Variants in SYNGR1 observed in about 807,000 individuals in gnomAD.
The protein encoded by SYNGR1 is synaptogyrin-1.
SYNGR1 carries 14 observed loss-of-function variants against 26.1 expected under a neutral mutation model. That is an observed-to-expected ratio of 0.54 (90% confidence interval 0.35 to 0.84). SYNGR1 has a LOEUF of 0.84. Among genes scored for constraint, SYNGR1 ranks in the 40% least tolerant of loss-of-function variants. The pLI is 0.01. For missense variants in SYNGR1, 319 were observed against 332.9 expected (o/e 0.96, Z 0.33); for synonymous variants, 141 against 150.1 (o/e 0.94, Z 0.44).
intron 1 of SYNGR1, 91 bp from the exon 2 acceptor site, chr22:39,374,225 G>T: frequency 8.2e-7 from 1 of 1,224,882 alleles, no homozygotes. Flanking sequence ...CGGAGGGCCA[G>T]GCAGCAGGCG....
chr22:39,377,763 CA>C, intron 3 of SYNGR1: 3 of 1,574,320 alleles, frequency 1.9e-6, no homozygotes, highest in Non-Finnish European at 2.6e-6. Context: ...AGCCTAGTGC[CA>C]GAAATGTCCA....
intron 1 of SYNGR1, among the ~76,000 whole-genome samples, chr22:39,371,302 C>T (rs535024795): frequency 4.5e-4 from 68 of 151,408 alleles, no homozygotes; most frequent in African/African-American, 1.5e-3. Context: ...CATGGAGGAA[C>T]CCCATCTATA....
intron 1 of SYNGR1, among the ~76,000 whole-genome samples, chr22:39,361,623 G>A (rs1352525288): frequency 6.6e-6 from 1 of 151,642 alleles, no homozygotes; most frequent in Admixed American, 6.6e-5. Flanking sequence ...GCCTCCCAAA[G>A]TGCCGGGATT....
chr22:39,377,093 G>T lies in SYNGR1; in HGVS notation c.483+896G>T, dbSNP rs6001565. The T allele has an allele frequency of 2.6e-6, 4 of 1,548,394 alleles. No individual in the cohort carries two copies. In the South Asian group the frequency reaches 3.6e-5, roughly 14 times the overall value. ...CCCACAGCTGCCTCCCCTCTGGACCGGCGAGCACTTCTGGGCCCAGCCTCC... is the reference window on the plus strand; with the variant it reads ...CCCACAGCTGCCTCCCCTCTGGACCTGCGAGCACTTCTGGGCCCAGCCTCC... On this transcript the variant is annotated intron_variant, in intron 3 of 3. Coordinates refer to ENST00000328933, the MANE Select transcript of SYNGR1 (RefSeq NM_004711.5).
At chr22:39,365,852 C>T (rs1333992686) in intron 1 of SYNGR1, among the ~76,000 whole-genome samples, 4 of 151,498 alleles carry the variant, frequency 2.6e-5, no homozygotes, top group Non-Finnish European at 5.9e-5. Flanking sequence ...TTTTCTTTTT[C>T]ACACCTGGCT....
At chr22:39,357,671 C>CAA (rs1228773961) in intron 1 of SYNGR1, among the ~76,000 whole-genome samples, 7 of 15,286 alleles carry the variant, frequency 4.6e-4, no homozygotes, top group African/African-American at 7.2e-4. Context: ...CGGGCGTGGG[C>CAA]TTGGCGGGCC....
At chr22:39,360,183 C>T (rs1924403061) in intron 1 of SYNGR1, among the ~76,000 whole-genome samples, 1 of 152,208 alleles carries the variant, frequency 6.6e-6, no homozygotes, top group African/African-American at 2.4e-5. Context: ...CCTCGTGAGC[C>T]TGTTCCTCTC....
chr22:39,350,357 C>T lies in SYNGR1; in HGVS notation c.99+248C>T, dbSNP rs1258439768. Among the ~76,000 whole-genome samples, 2 of 152,066 alleles carry T rather than the reference C, an allele frequency of 1.3e-5. No homozygotes were observed. Among genetic ancestry groups the T allele is most frequent in the African/African-American group, 4.8e-5 (2 of 41,434 alleles). ...CTCCCGGAGCCCTGGTTTCCTGGGGCCCCCGGTTCGTGCGCCCCCCTTCCC... is the reference window on the plus strand; with the variant it reads ...CTCCCGGAGCCCTGGTTTCCTGGGGTCCCCGGTTCGTGCGCCCCCCTTCCC... On this transcript the variant is annotated intron_variant, in intron 1 of 3. Coordinates refer to ENST00000328933, the MANE Select transcript of SYNGR1 (RefSeq NM_004711.5). This position sits in a 1 kb window ranked among gnomAD's most constrained non-coding sequence, Gnocchi z 4.3.
rs1032835014 is a variant in SYNGR1, at chr22:39,376,308, C to G, written c.483+111C>G. The G allele has an allele frequency of 1.4e-5, 21 of 1,547,496 alleles. No homozygotes were observed. In the African/African-American group the frequency reaches 2.9e-4, roughly 21 times the overall value. On this transcript the variant is annotated intron_variant, in intron 3 of 3. Coordinates refer to ENST00000328933, the MANE Select transcript of SYNGR1 (RefSeq NM_004711.5). ...CCCGCTCTGCCTCTGGGAGCCCACACTACCCTCGCTCCCTCTTCTGCCTGC... is the reference window on the plus strand; with the variant it reads ...CCCGCTCTGCCTCTGGGAGCCCACAGTACCCTCGCTCCCTCTTCTGCCTGC...
In SYNGR1 at chr22:39,382,233, A is replaced by G; in HGVS notation, c.*319A>G. 1 of 470,392 alleles carries G rather than the reference A, an allele frequency of 2.1e-6. No individual in the cohort carries two copies. Among genetic ancestry groups the G allele is most frequent in the South Asian group, 2.4e-5 (1 of 42,258 alleles). The allele number at this position is 470,392 out of a possible 1,614,324, so 29.1% of individuals were successfully genotyped here. A position where few individuals can be genotyped will look rare whatever the true frequency, so the allele number is the denominator to read the frequency against. ...GCCTGTGCTGGGCATGGGTGGTGAC[A>G]TTGGCAGAAATGGCCACTGGAAAGG... On this transcript the variant is annotated 3_prime_UTR_variant, in exon 4 of 4. Transcript: ENST00000328933.
intron 1 of SYNGR1, among the ~76,000 whole-genome samples, chr22:39,371,932 C>G (rs907123666): frequency 6.6e-6 from 1 of 152,072 alleles, no homozygotes; most frequent in Non-Finnish European, 1.5e-5. Context: ...TATTGGCAAG[C>G]TATTGCTGCA....
At chr22:39,374,619 C>A (rs754188710) in intron 2 of SYNGR1, 66 bp downstream of exon 2, 3 of 1,520,752 alleles carry the variant, frequency 2.0e-6, no homozygotes, top group Non-Finnish European at 2.7e-6. Context: ...CCATAGGAGG[C>A]GGCTGCCACC....
At position 39,350,997 on chromosome 22, in the gene SYNGR1, G is replaced by C. The variant is rs1214940778; in HGVS notation, c.99+888G>C. ...GGGCTGAGTGGGCTCTTGTTCAGAC[G>C]GGTGGTCAGGGAGAGGATGGGTCAG... On this transcript the variant is annotated intron_variant, in intron 1 of 3. Transcript: ENST00000328933. The surrounding 1 kb of genome is among the most constrained non-coding windows in gnomAD (Gnocchi z 4.3). Among the ~76,000 whole-genome samples the C allele has an allele frequency of 1.3e-5, 2 of 152,176 alleles. No homozygotes were observed. Among genetic ancestry groups the C allele is most frequent in the Non-Finnish European group, 2.9e-5 (2 of 68,014 alleles).
intron 1 of SYNGR1, among the ~76,000 whole-genome samples, chr22:39,373,076 T>C (rs888608241): frequency 2.1e-4 from 32 of 151,986 alleles, no homozygotes; most frequent in Non-Finnish European, 4.4e-4. Context: ...TAATATACCC[T>C]TGGGATCATG....
chr22:39,351,474 T>C (rs1251657158), intron 1 of SYNGR1, among the ~76,000 whole-genome samples: 3 of 152,230 alleles, frequency 2.0e-5, no homozygotes, highest in African/African-American at 7.2e-5. Flanking sequence ...AGCACATCTG[T>C]GTTTGTGGCT....
intron 1 of SYNGR1, among the ~76,000 whole-genome samples, chr22:39,352,411 A>T (rs1923947217): frequency 6.6e-6 from 1 of 152,240 alleles, no homozygotes. Context: ...GTTGCACGGT[A>T]GGAATGTACT....
At chr22:39,377,749 G>A in intron 3 of SYNGR1, 1 of 1,590,518 alleles carries the variant, frequency 6.3e-7, no homozygotes, top group Non-Finnish European at 8.5e-7. Context: ...GAGGTGGCAG[G>A]AGCAGCCTAG....
intron 3 of SYNGR1, chr22:39,377,850 C>T: frequency 6.6e-7 from 1 of 1,505,092 alleles, no homozygotes; most frequent in Non-Finnish European, 8.9e-7. Context: ...TCATTCATTC[C>T]TTCACCGCCT....
intron 1 of SYNGR1, among the ~76,000 whole-genome samples, chr22:39,364,012 A>G (rs1024010228): frequency 4.6e-5 from 7 of 152,146 alleles, no homozygotes; most frequent in Non-Finnish European, 8.8e-5. Flanking sequence ...AGCCACCCCC[A>G]TGCTGGCTGG....
Sources: allele counts gnomAD v4.1 joint callset (sites outside exome capture counted in the v4.1 genomes callset), GRCh38; gene constraint gnomAD v4.1.1; non-coding constraint Gnocchi (gnomAD v3.1); transcripts MANE v1.5; gene names NCBI Gene and HGNC (gene_info 2026-07-23, HGNC 2026-07-21).